The following ZFAND3 variants were observed in gnomAD, a reference collection of about 807,000 sequenced individuals.
ZFAND3 encodes the protein AN1-type zinc finger protein 3.
In ZFAND3, 10 loss-of-function variants were observed where a neutral mutation model predicts 29.6. The ratio of observed to expected loss-of-function variants is 0.34; its 90% CI spans 0.21 to 0.57. The LOEUF (loss-of-function observed/expected upper bound fraction) is 0.57, where lower values mean the gene tolerates loss of function less well. ZFAND3 is among the 20% of genes least tolerant of loss of function. The pLI is 0.86. For missense variants in ZFAND3, 230 were observed against 304.5 expected (o/e 0.76, Z 1.82); for synonymous variants, 128 against 112.6 (o/e 1.14, Z -0.87).
intron 2 of ZFAND3, among the ~76,000 whole-genome samples, chr6:38,044,921 T>A (rs149775434): frequency 5.0e-4 from 76 of 152,234 alleles, no homozygotes; most frequent in Non-Finnish European, 8.4e-4. Context: ...GTAGCTAGCC[T>A]CCAAAGCGTC....
At chr6:37,937,043 A>G (rs1173598751) in intron 2 of ZFAND3, among the ~76,000 whole-genome samples, 5 of 152,174 alleles carry the variant, frequency 3.3e-5, no homozygotes, top group Admixed American at 3.3e-4. Context: ...TGAACTTGCA[A>G]CTTAGTGGTT....
At chr6:38,087,924 C>G (rs1764789234) in intron 4 of ZFAND3, among the ~76,000 whole-genome samples, 1 of 152,136 alleles carries the variant, frequency 6.6e-6, no homozygotes, top group South Asian at 2.1e-4. Flanking sequence ...AAGAATGTTT[C>G]CAGCATGAAA....
At chr6:37,825,167 C>T (rs1359094762) in intron 1 of ZFAND3, among the ~76,000 whole-genome samples, 1 of 152,160 alleles carries the variant, frequency 6.6e-6, no homozygotes, top group Non-Finnish European at 1.5e-5. Flanking sequence ...CCTCTTCAGT[C>T]TCAGTCTCCC....
In ZFAND3 at chr6:38,041,786, CTTT is replaced by C. The variant is rs1763788337; in HGVS notation, c.113-19806_113-19804del. Among the ~76,000 whole-genome samples the C allele has an allele frequency of 1.7e-3, 6 of 3,620 alleles. 3 individuals are homozygous for C. Among genetic ancestry groups the C allele is most frequent in the Non-Finnish European group, 7.2e-3 (4 of 558 alleles). 2.4% of individuals were successfully genotyped at this position (3,620 alleles called of 152,430 possible). On this transcript the variant is annotated intron_variant, in intron 2 of 5. Coordinates refer to ENST00000287218, the MANE Select transcript of ZFAND3 (RefSeq NM_021943.3). ...TCCTCCTCCTCCTCCTCCTCCTCTTCTTTCTTCTTCTTCTCCTCTTCTTTCTTC... is the reference window on the plus strand; with the variant it reads ...TCCTCCTCCTCCTCCTCCTCCTCTTCCTTCTTCTTCTCCTCTTCTTTCTTC...
chr6:37,839,889 G>T (rs1321776142), intron 1 of ZFAND3, among the ~76,000 whole-genome samples: 1 of 152,088 alleles, frequency 6.6e-6, no homozygotes, highest in Non-Finnish European at 1.5e-5. Context: ...TTCCCATTTT[G>T]TAGGTGGTGG....
intron 4 of ZFAND3, among the ~76,000 whole-genome samples, chr6:38,105,308 G>C (rs1335178914): frequency 6.6e-6 from 1 of 152,150 alleles, no homozygotes; most frequent in Non-Finnish European, 1.5e-5. Flanking sequence ...TCCAGAAGCT[G>C]AGGGGAGGAT....
chr6:37,858,743 A>G (rs1581713690), intron 1 of ZFAND3, among the ~76,000 whole-genome samples: 1 of 152,336 alleles, frequency 6.6e-6, no homozygotes, highest in East Asian at 1.9e-4. Flanking sequence ...AAGAAAATCT[A>G]TAAAAGGTTA....
chr6:38,089,837 C>T (rs1409391614), intron 4 of ZFAND3, among the ~76,000 whole-genome samples: 1 of 152,142 alleles, frequency 6.6e-6, no homozygotes. Flanking sequence ...GACTTCACAT[C>T]TTCCTCTGCT....
At chr6:37,853,760 G>A (rs1764325777) in intron 1 of ZFAND3, among the ~76,000 whole-genome samples, 1 of 152,074 alleles carries the variant, frequency 6.6e-6, no homozygotes, top group African/African-American at 2.4e-5. Flanking sequence ...AAACCCCTAA[G>A]AATCTAAACT....
chr6:38,115,995 A>G (rs941327648), intron 4 of ZFAND3, among the ~76,000 whole-genome samples: 1 of 152,194 alleles, frequency 6.6e-6, no homozygotes, highest in Non-Finnish European at 1.5e-5. Flanking sequence ...AATTGAACTA[A>G]TTGTCAGTAT....
intron 4 of ZFAND3, among the ~76,000 whole-genome samples, chr6:38,111,590 G>T (rs1286711743): frequency 1.3e-5 from 2 of 152,086 alleles, no homozygotes; most frequent in African/African-American, 2.4e-5. Flanking sequence ...AGACTTCGAT[G>T]ATCCACTTTC....
intron 4 of ZFAND3, among the ~76,000 whole-genome samples, chr6:38,109,869 A>G (rs1765280794): frequency 6.6e-6 from 1 of 152,082 alleles, no homozygotes; most frequent in Non-Finnish European, 1.5e-5. Flanking sequence ...TTGGTAGATG[A>G]TAAGAGTTGG....
intron 1 of ZFAND3, among the ~76,000 whole-genome samples, chr6:37,865,608 A>G (rs1408315532): frequency 6.6e-6 from 1 of 152,234 alleles, no homozygotes; most frequent in East Asian, 1.9e-4. Flanking sequence ...TTTTACATGC[A>G]TTGCAACATC....
At chr6:38,066,202 A>G (rs1764343522) in intron 3 of ZFAND3, among the ~76,000 whole-genome samples, 1 of 152,234 alleles carries the variant, frequency 6.6e-6, no homozygotes, top group Non-Finnish European at 1.5e-5. Flanking sequence ...TAAGAAAAGT[A>G]CCTTGAGTTT....
chr6:37,935,415 A>T (rs547605808), intron 2 of ZFAND3, among the ~76,000 whole-genome samples: 2 of 152,302 alleles, frequency 1.3e-5, no homozygotes, highest in South Asian at 2.1e-4. Context: ...TAAGTAAATG[A>T]ATATAAAAAG....
At chr6:37,929,631 C>T (rs568293810) in intron 1 of ZFAND3, among the ~76,000 whole-genome samples, 1 of 152,190 alleles carries the variant, frequency 6.6e-6, no homozygotes, top group South Asian at 2.1e-4. Context: ...ACTCCCATAC[C>T]ATCTTCTGGG....
At chr6:37,829,503 C>G (rs771821561) in intron 1 of ZFAND3, among the ~76,000 whole-genome samples, 1 of 152,160 alleles carries the variant, frequency 6.6e-6, no homozygotes, top group Non-Finnish European at 1.5e-5. Flanking sequence ...CTACTGCACT[C>G]CAGCCTGGGC....
intron 2 of ZFAND3, among the ~76,000 whole-genome samples, chr6:38,035,944 A>C (rs1763648332): frequency 6.6e-6 from 1 of 152,192 alleles, no homozygotes. Context: ...TCTCAGTAAG[A>C]ACTGGAGACC....
intron 1 of ZFAND3, among the ~76,000 whole-genome samples, chr6:37,846,014 A>G (rs1764170968): frequency 6.6e-6 from 1 of 152,170 alleles, no homozygotes; most frequent in Admixed American, 6.5e-5. Context: ...TCTCTACCTC[A>G]GCTCTTAGAA....
Sources: gnomAD v4.1 joint callset for allele counts (sites outside exome capture counted in the v4.1 genomes callset) on GRCh38, gnomAD v4.1.1 for gene constraint, MANE v1.5 for transcripts, NCBI Gene and HGNC (gene_info 2026-07-23, HGNC 2026-07-21) for gene names.